Variants in GABRA3 observed in about 807,000 individuals in gnomAD.
The protein encoded by GABRA3 is gamma-aminobutyric acid type A receptor subunit alpha3.
GABRA3 carries 10 observed loss-of-function variants against 30.1 expected under a neutral mutation model. That is an observed-to-expected ratio of 0.33 (90% CI 0.20 to 0.56). GABRA3 has a LOEUF of 0.56. Among genes scored for constraint, GABRA3 ranks in the 20% least tolerant of loss-of-function variants. The probability of loss-of-function intolerance (pLI) is 0.89; values close to 1 mark genes in which losing one functional copy is unlikely to be tolerated. For synonymous variants in GABRA3, 151 were observed against 146.8 expected (o/e 1.03, Z -0.21); for missense variants, 233 against 392.0 (o/e 0.59, Z 3.42).
At chrX:152,416,006 A>G (rs766699390) in intron 1 of GABRA3, among the ~76,000 whole-genome samples, 1 of 111,162 alleles carries the variant, frequency 9.0e-6, no homozygotes, top group East Asian at 2.8e-4. Context: ...AATAGACATA[A>G]TGGAAATTTT....
rs80294587 is a variant in GABRA3, at chrX:152,345,645, G to T, written c.198C>A (p.Ile66=). Residue 66 remains isoleucine, a synonymous_variant, in exon 3 of 10, where the codon ATC becomes ATA. Transcript: ENST00000370314. The part of the protein sequence containing the change: ...IPDDSTDNIT[I]FTRILDRLLD... The stretch of plus-strand genomic sequence containing the variant: ...GAAGACGATCCAAGATTCTGGTGAA[G>T]ATAGTGATGTTGTCAGTGCTGTCAT... 4.1e-6 allele frequency: 5 copies of T among 1,206,502 alleles called. No individual in the cohort carries two copies. The highest frequency in any genetic ancestry group is 5.6e-6 in the Non-Finnish European group (5 of 893,209).
chrX:152,358,147 A>G (rs1374375182), intron 2 of GABRA3, among the ~76,000 whole-genome samples: 1 of 111,427 alleles, frequency 9.0e-6, no homozygotes, highest in African/African-American at 3.3e-5. Flanking sequence ...TTTTGGAAGT[A>G]TGGCCATTTT....
intron 5 of GABRA3, among the ~76,000 whole-genome samples, chrX:152,231,323 G>A (rs757470995): frequency 4.6e-5 from 5 of 108,336 alleles, no homozygotes; most frequent in African/African-American, 1.7e-4. Context: ...ACGTGTGTGT[G>A]TACACGTGTG....
chrX:152,275,523 A>C (rs1486025613), intron 4 of GABRA3, among the ~76,000 whole-genome samples: 2 of 106,633 alleles, frequency 1.9e-5, no homozygotes, highest in African/African-American at 6.8e-5. Context: ...TTGGGAGGCC[A>C]AGGCAGGCAG....
intron 1 of GABRA3, among the ~76,000 whole-genome samples, chrX:152,417,029 T>C (rs1462339242): frequency 5.9e-5 from 6 of 101,864 alleles, no homozygotes; most frequent in Non-Finnish European, 9.9e-5. Flanking sequence ...ACAAATGGGA[T>C]CTAATTAAAC....
At chrX:152,392,201 A>G (rs758968990) in intron 1 of GABRA3, 2 of 383,511 alleles carry the variant, frequency 5.2e-6, no homozygotes, top group African/African-American at 5.1e-5. Flanking sequence ...CCAGAAGCAG[A>G]CGGCAATGTA....
intron 3 of GABRA3, among the ~76,000 whole-genome samples, chrX:152,320,027 C>A (rs192682850): frequency 8.4e-4 from 93 of 110,507 alleles, no homozygotes; most frequent in African/African-American, 3.0e-3. Context: ...AATGTGATAC[C>A]ACCTAGCTCC....
chrX:152,289,362 A>T (rs890237830), intron 3 of GABRA3, among the ~76,000 whole-genome samples: 1 of 109,524 alleles, frequency 9.1e-6, no homozygotes, highest in Non-Finnish European at 1.9e-5. Context: ...AAAAAAATAT[A>T]TATTTAAAAG....
intron 1 of GABRA3, among the ~76,000 whole-genome samples, chrX:152,395,178 A>G (rs974205053): frequency 9.0e-6 from 1 of 111,319 alleles, no homozygotes; most frequent in African/African-American, 3.3e-5. Flanking sequence ...GACTCTACAC[A>G]TTTGTGTTTG....
chrX:152,249,295 C>G (rs1304085072), intron 5 of GABRA3, among the ~76,000 whole-genome samples: 1 of 111,496 alleles, frequency 9.0e-6, no homozygotes, highest in Non-Finnish European at 1.9e-5. Context: ...AATGTTACCT[C>G]TTGAACATAT....
chrX:152,377,873 C>T (rs1929037487), intron 1 of GABRA3, among the ~76,000 whole-genome samples: 1 of 111,586 alleles, frequency 9.0e-6, no homozygotes, highest in South Asian at 3.7e-4. Context: ...GCCTGTGTAT[C>T]TTCTTCAAAC....
intron 7 of GABRA3, among the ~76,000 whole-genome samples, chrX:152,204,044 G>A (rs1003115725): frequency 9.0e-6 from 1 of 111,606 alleles, no homozygotes; most frequent in Admixed American, 9.5e-5. Context: ...AAGAAGGTGA[G>A]GATATGAGGA....
intron 4 of GABRA3, among the ~76,000 whole-genome samples, chrX:152,281,853 T>C (rs1939204635): frequency 8.9e-6 from 1 of 112,542 alleles, no homozygotes; most frequent in Non-Finnish European, 1.9e-5. Context: ...GTCCCTGACA[T>C]GTTTTCTGTC....
At chrX:152,337,516 G>A (rs918838463) in intron 3 of GABRA3, among the ~76,000 whole-genome samples, 23 of 111,252 alleles carry the variant, frequency 2.1e-4, no homozygotes, top group African/African-American at 7.2e-4. Flanking sequence ...TTCCACCCAT[G>A]TTGCTGCAAA....
At chrX:152,243,321 C>T (rs995550928) in intron 5 of GABRA3, among the ~76,000 whole-genome samples, 1 of 111,612 alleles carries the variant, frequency 9.0e-6, no homozygotes, top group Non-Finnish European at 1.9e-5. Flanking sequence ...ATTTAAAAAT[C>T]GCTGAGAGCA....
chrX:152,178,181 G>A (rs779887680), intron 9 of GABRA3, among the ~76,000 whole-genome samples: 1 of 111,483 alleles, frequency 9.0e-6, no homozygotes, highest in Non-Finnish European at 1.9e-5. Context: ...CAGGTCCTGA[G>A]TACTGGGACC....
intron 7 of GABRA3, among the ~76,000 whole-genome samples, chrX:152,205,128 C>T (rs1047765983): frequency 2.7e-5 from 3 of 111,323 alleles, no homozygotes; most frequent in African/African-American, 9.8e-5. Flanking sequence ...TCTGCAGTGA[C>T]CCTGTTTCCA....
chrX:152,286,644 G>C (rs1005579809), intron 3 of GABRA3, among the ~76,000 whole-genome samples: 1 of 111,383 alleles, frequency 9.0e-6, no homozygotes, highest in Admixed American at 9.6e-5. Context: ...TTTAGCTCTC[G>C]TTGATTTCTC....
intron 3 of GABRA3, among the ~76,000 whole-genome samples, chrX:152,333,570 G>A (rs1940192918): frequency 8.9e-6 from 1 of 111,903 alleles, no homozygotes; most frequent in Non-Finnish European, 1.9e-5. Context: ...CAAGGGCAAT[G>A]TGTAAAACCA....
Sources: gnomAD v4.1 joint callset for allele counts (sites outside exome capture counted in the v4.1 genomes callset) on GRCh38, gnomAD v4.1.1 for gene constraint, MANE v1.5 for transcripts, NCBI Gene and HGNC (gene_info 2026-07-23, HGNC 2026-07-21) for gene names.